Variants in MDM2 observed in about 807,000 individuals in gnomAD.
The protein encoded by MDM2 is E3 ubiquitin-protein ligase Mdm2.
Under a neutral mutation model 64.3 loss-of-function variants are expected in MDM2, and 11 were observed. The observed-to-expected ratio is 0.17, with a 90% CI of 0.11 to 0.28. MDM2 has a LOEUF of 0.28. Ranked by LOEUF, MDM2 falls within the 10% of genes least tolerant of loss-of-function variation. The probability of loss-of-function intolerance (pLI) is 1.00; values close to 1 mark genes in which losing one functional copy is unlikely to be tolerated. For missense variants in MDM2, 388 were observed against 577.1 expected (o/e 0.67, Z 3.36); for synonymous variants, 194 against 192.9 (o/e 1.01, Z -0.05).
intron 8 of MDM2, among the ~76,000 whole-genome samples, chr12:68,834,869 C>T (rs575060289): frequency 9.9e-5 from 15 of 152,198 alleles, no homozygotes; most frequent in Non-Finnish European, 1.9e-4. Context: ...TGCTCCTACC[C>T]TTAGCCACTG....
downstream of MDM2, chr12:68,847,614 T>C (rs975180957): frequency 6.6e-5 from 10 of 151,212 alleles, no homozygotes; most frequent in Middle Eastern, 3.4e-3. Context: ...CCACCGCGCC[T>C]GGCTAATTTT....
chr12:68,840,835 CTTTTTTTTT>C lies in MDM2; in HGVS notation c.*1005_*1013del, dbSNP rs60051373. 4.3e-4 allele frequency: 32 copies of C among 73,948 alleles called. No homozygotes were observed. The highest frequency in any genetic ancestry group is 2.6e-3 in the East Asian group (8 of 3,132). 4.6% of individuals were successfully genotyped at this position (73,948 alleles called of 1,614,324 possible). ...AATTAGTATTTAAATTTTAGATACTCTTTTTTTTTTTTTTTTTTTTTTTTTTTGAGACAG... is the reference window on the plus strand; with the variant it reads ...AATTAGTATTTAAATTTTAGATACTCTTTTTTTTTTTTTTTTTTGAGACAG... On this transcript the variant is annotated 3_prime_UTR_variant, in exon 11 of 11. Coordinates refer to ENST00000258149, the MANE Select transcript of MDM2 (RefSeq NM_002392.6).
intron 2 of MDM2, among the ~76,000 whole-genome samples, chr12:68,810,380 AT>A (rs1280513644): frequency 6.6e-6 from 1 of 151,840 alleles, no homozygotes; most frequent in African/African-American, 2.4e-5. Context: ...TTACTATTTG[AT>A]TGCTACTGGT....
intron 2 of MDM2, among the ~76,000 whole-genome samples, chr12:68,810,422 C>A (rs1193751019): frequency 1.3e-5 from 2 of 151,936 alleles, no homozygotes; most frequent in Admixed American, 6.6e-5. Context: ...CTAACAGTTT[C>A]ACTCCTGCCA....
chr12:68,823,768 A>C (rs762786912), intron 5 of MDM2, among the ~76,000 whole-genome samples: 1 of 152,184 alleles, frequency 6.6e-6, no homozygotes, highest in Non-Finnish European at 1.5e-5. Flanking sequence ...TTGGACAAAA[A>C]TCCTTTTTAA....
In MDM2 at chr12:68,843,063, T is replaced by C; in HGVS notation, c.*3214T>C. On this transcript the variant is annotated 3_prime_UTR_variant, in exon 11 of 11. Transcript: ENST00000258149. ...AGCAATGATCTAGAAGCAGATGTTA[T>C]CTCAGTGCCTTTTGCAATTTGTTGT... 1 of 220,532 alleles carries C rather than the reference T, an allele frequency of 4.5e-6. No homozygotes were observed. Among genetic ancestry groups the C allele is most frequent in the East Asian group, 6.6e-5 (1 of 15,070 alleles). 13.7% of individuals were successfully genotyped at this position (220,532 alleles called of 1,614,324 possible).
chr12:68,837,057 G>C (rs3730643), intron 10 of MDM2, among the ~76,000 whole-genome samples: 50 of 151,042 alleles, frequency 3.3e-4, no homozygotes, highest in Non-Finnish European at 4.4e-4. Flanking sequence ...AGGTTCAAGT[G>C]ATTCTCGTGC....
intron 8 of MDM2, among the ~76,000 whole-genome samples, 199 bp from the exon 9 acceptor site, chr12:68,835,630 C>T (rs966014673): frequency 3.3e-5 from 5 of 152,100 alleles, no homozygotes; most frequent in Non-Finnish European, 5.9e-5. Flanking sequence ...GCGTGGCAAC[C>T]GGCTCCGGGA....
At chr12:68,811,372 C>T (rs1880874213) in intron 2 of MDM2, among the ~76,000 whole-genome samples, 1 of 152,030 alleles carries the variant, frequency 6.6e-6, no homozygotes, top group South Asian at 2.1e-4. Context: ...AATTTGTTGG[C>T]TTTTGAATTT....
intron 8 of MDM2, 35 bp from the exon 9 acceptor site, chr12:68,835,794 T>A: frequency 6.3e-7 from 1 of 1,591,034 alleles, no homozygotes; most frequent in African/African-American, 1.3e-5. Context: ...CAAGAGGTGA[T>A]GTTTATTAAG....
chr12:68,825,870 C>T (rs1882275339), intron 7 of MDM2, among the ~76,000 whole-genome samples: 1 of 152,060 alleles, frequency 6.6e-6, no homozygotes, highest in African/African-American at 2.4e-5. Flanking sequence ...GTGTCTAGGG[C>T]AGAGGTGGAA....
chr12:68,839,251 C>T (rs1565747470), intron 10 of MDM2, 23 bp from the exon 11 acceptor site: 5 of 1,598,112 alleles, frequency 3.1e-6, no homozygotes, highest in East Asian at 2.2e-5. Flanking sequence ...CAGAAACTGA[C>T]TGTGTGTCTT....
At chr12:68,820,295 C>G (rs1881734259) in intron 4 of MDM2, 30 bp from the exon 5 acceptor site, 1 of 1,463,326 alleles carries the variant, frequency 6.8e-7, no homozygotes, top group Non-Finnish European at 9.4e-7. Context: ...ATGTACATCT[C>G]TTGTTATTTT....
chr12:68,824,834 T>C (rs1882168240), intron 7 of MDM2, 183 bp downstream of exon 7: 1 of 571,848 alleles, frequency 1.7e-6, no homozygotes, highest in Non-Finnish European at 3.1e-6. Context: ...AATATTTTTC[T>C]GGCTGACTAC....
intron 8 of MDM2, among the ~76,000 whole-genome samples, chr12:68,833,542 T>C (rs1396952481): frequency 6.6e-6 from 1 of 150,550 alleles, no homozygotes; most frequent in African/African-American, 2.4e-5. Context: ...CATTTTTTCA[T>C]GGTATTTTTT....
Position 68,840,592 on chromosome 12 carries a change from G to A in MDM2, c.*743G>A, listed in dbSNP as rs1883682660. 1 of 185,888 alleles carries A rather than the reference G, an allele frequency of 5.4e-6. No individual in the cohort carries two copies. Among genetic ancestry groups the A allele is most frequent in the Non-Finnish European group, 1.1e-5 (1 of 88,058 alleles). The allele number at this position is 185,888 out of a possible 1,614,324, so 11.5% of individuals were successfully genotyped here. A position where few individuals can be genotyped will look rare whatever the true frequency, so the allele number is the denominator to read the frequency against. The stretch of plus-strand genomic sequence containing the variant: ...GCAGTGTCATGATCTAGCAGTCTCC[G>A]CTTCCCGGGTTCAAGCCATTCTCCT... On this transcript the variant is annotated 3_prime_UTR_variant, in exon 11 of 11. Coordinates refer to ENST00000258149, the MANE Select transcript of MDM2 (RefSeq NM_002392.6).
chr12:68,831,263 G>T (rs1882770877), intron 8 of MDM2, among the ~76,000 whole-genome samples: 1 of 152,210 alleles, frequency 6.6e-6, no homozygotes, highest in South Asian at 2.1e-4. Flanking sequence ...ACAGACAGAG[G>T]GAGGGGGGCT....
chr12:68,833,262 T>TA (rs1462946360), intron 8 of MDM2, among the ~76,000 whole-genome samples: 6 of 116,066 alleles, frequency 5.2e-5, no homozygotes, highest in African/African-American at 2.0e-4. Flanking sequence ...TATATTTATA[T>TA]AATTATATAT....
At chr12:68,821,858 G>T (rs142603793) in intron 5 of MDM2, among the ~76,000 whole-genome samples, 1 of 151,972 alleles carries the variant, frequency 6.6e-6, no homozygotes, top group Non-Finnish European at 1.5e-5. Context: ...TTACTTGTGG[G>T]TTTTTTTGTT....
Sources: allele counts gnomAD v4.1 joint callset (sites outside exome capture counted in the v4.1 genomes callset), GRCh38; gene constraint gnomAD v4.1.1; transcripts MANE v1.5; gene names NCBI Gene and HGNC (gene_info 2026-07-23, HGNC 2026-07-21).